ACTR3: variants seen among roughly 807,000 people sequenced by gnomAD.
The protein encoded by ACTR3 is actin-related protein 3.
In ACTR3, 12 loss-of-function variants were observed where a neutral mutation model predicts 56.8. That is an observed-to-expected ratio of 0.21 (90% CI 0.14 to 0.34). The LOEUF (loss-of-function observed/expected upper bound fraction) is 0.34. Among genes scored for constraint, ACTR3 ranks in the 10% least tolerant of loss-of-function variants. The pLI is 1.00. For synonymous variants in ACTR3, 162 were observed against 167.4 expected, an observed-to-expected ratio of 0.97 and a Z score of 0.25; for missense variants, 282 against 512.5, an observed-to-expected ratio of 0.55 and a Z score of 4.34.
At chr2:113,934,802 T>G (rs1679794011) in intron 6 of ACTR3, among the ~76,000 whole-genome samples, 1 of 152,176 alleles carries the variant, frequency 6.6e-6, no homozygotes, top group African/African-American at 2.4e-5. Flanking sequence ...ATAAAGCATA[T>G]TAAGAAAAAT....
At chr2:113,891,401 G>T (rs1020818852) in intron 1 of ACTR3, among the ~76,000 whole-genome samples, 3 of 152,072 alleles carry the variant, frequency 2.0e-5, no homozygotes, top group African/African-American at 7.2e-5. Context: ...AAGTGTGGTC[G>T]TTCATTTTGT....
rs1680336556 is a variant in ACTR3 at position 113,962,158 on chromosome 2, T to A, written c.*4703T>A. 1 of 152,048 alleles carries A rather than the reference T, an allele frequency of 6.6e-6. No individual in the cohort carries two copies. Among genetic ancestry groups the A allele is most frequent in the African/African-American group, 2.4e-5 (1 of 41,440 alleles). The allele number at this position is 152,048 out of a possible 1,614,324, so 9.4% of individuals were successfully genotyped here. ...TGACCGAATTACGACTTTTTTTCTG[T>A]TCCACTAGTTTCTACCTTAGAAGTG... is the stretch of plus-strand genomic sequence containing the variant. On this transcript the variant is annotated 3_prime_UTR_variant, in exon 12 of 12. Transcript: ENST00000263238.
intron 6 of ACTR3, among the ~76,000 whole-genome samples, chr2:113,939,415 T>C (rs1679886140): frequency 6.6e-6 from 1 of 152,226 alleles, no homozygotes; most frequent in Admixed American, 6.5e-5. Context: ...GATGAAGGCA[T>C]CCTTAATATT....
Position 113,961,309 on chromosome 2 carries a change from A to T in ACTR3, c.*3854A>T, listed in dbSNP as rs1280411605. 6.6e-6 allele frequency: 1 copy of T among 151,978 alleles called. No homozygotes were observed. The highest frequency in any genetic ancestry group is 2.4e-5 in the African/African-American group (1 of 41,420). The allele number at this position is 151,978 out of a possible 1,614,324, so 9.4% of individuals were successfully genotyped here. A position where few individuals can be genotyped will look rare whatever the true frequency, so the allele number is the denominator to read the frequency against. On this transcript the variant is annotated 3_prime_UTR_variant, in exon 12 of 12. Transcript: ENST00000263238. ...ATTTGGAGCTTGGGTGCTGAAATTA[A>T]ATATAACCTATTTGAGTTAAGGATT...
chr2:113,909,455 T>C (rs1259054686), intron 1 of ACTR3, among the ~76,000 whole-genome samples: 1 of 152,188 alleles, frequency 6.6e-6, no homozygotes, highest in Non-Finnish European at 1.5e-5. Context: ...ACTTCAAATA[T>C]TACTGTAATA....
chr2:113,935,844 G>T (rs1679815022), intron 6 of ACTR3, among the ~76,000 whole-genome samples: 1 of 152,156 alleles, frequency 6.6e-6, no homozygotes, highest in African/African-American at 2.4e-5. Context: ...AATAGGTAGT[G>T]AGGCTAGGAT....
chr2:113,944,129 G>A (rs1395744825), intron 8 of ACTR3, among the ~76,000 whole-genome samples: 3 of 152,154 alleles, frequency 2.0e-5, no homozygotes, highest in Non-Finnish European at 1.5e-5. Context: ...GAGTTTTTCA[G>A]CATCTAGGTT....
chr2:113,903,479 C>T (rs2104585071), intron 1 of ACTR3, among the ~76,000 whole-genome samples: 1 of 152,082 alleles, frequency 6.6e-6, no homozygotes, highest in Admixed American at 6.5e-5. Flanking sequence ...AATTCTTGTG[C>T]CTCAGCTTCC....
chr2:113,891,830 G>A (rs1288955090), intron 1 of ACTR3, among the ~76,000 whole-genome samples: 1 of 151,774 alleles, frequency 6.6e-6, no homozygotes, highest in Non-Finnish European at 1.5e-5. Flanking sequence ...GTATTTTTTT[G>A]ATGAACACTT....
At position 113,912,797 on chromosome 2, in the gene ACTR3, A is replaced by G. The variant is rs1352309742; in HGVS notation, c.45-375A>G. ...ACTATACTAAGAGCTTCCTCATTCT[A>G]TTTTTTGTAGCTGCATAATATTCCA... On this transcript the variant is annotated intron_variant, in intron 1 of 11. Coordinates refer to ENST00000263238, the MANE Select transcript of ACTR3 (RefSeq NM_005721.5). 3.3e-5 allele frequency among the ~76,000 whole-genome samples: 5 copies of G among 152,154 alleles called. No homozygotes were observed. In the South Asian group the frequency reaches 8.3e-4, roughly 25 times the overall value.
At chr2:113,897,749 ACTC>A (rs1679036516) in intron 1 of ACTR3, among the ~76,000 whole-genome samples, 1 of 150,764 alleles carries the variant, frequency 6.6e-6, no homozygotes, top group Non-Finnish European at 1.5e-5. Flanking sequence ...CTGATATTGA[ACTC>A]CTGAACTCAA....
At chr2:113,938,970 A>T (rs1679876346) in intron 6 of ACTR3, among the ~76,000 whole-genome samples, 1 of 151,898 alleles carries the variant, frequency 6.6e-6, no homozygotes, top group Non-Finnish European at 1.5e-5. Flanking sequence ...CCCTTTTCTT[A>T]GAAAGTATCT....
intron 8 of ACTR3, among the ~76,000 whole-genome samples, chr2:113,945,808 C>T (rs1281971713): frequency 1.3e-5 from 2 of 152,118 alleles, no homozygotes; most frequent in Non-Finnish European, 2.9e-5. Flanking sequence ...CTCCACCCTC[C>T]GATAGGCCCC....
chr2:113,939,433 A>G (rs1679886395), intron 6 of ACTR3, among the ~76,000 whole-genome samples: 1 of 152,158 alleles, frequency 6.6e-6, no homozygotes, highest in African/African-American at 2.4e-5. Context: ...ATTCTTTCCT[A>G]ATGAAATTTA....
chr2:113,948,541 A>G lies in ACTR3; in HGVS notation c.859-2938A>G, dbSNP rs964988009. On this transcript the variant is annotated intron_variant, in intron 8 of 11. Coordinates refer to ENST00000263238, the MANE Select transcript of ACTR3 (RefSeq NM_005721.5). ...CTGTCATCACAGACAGGACCTTTCT[A>G]TTCCCTTTTCATCTCATTTGTTACA... 3.9e-5 allele frequency among the ~76,000 whole-genome samples: 6 copies of G among 151,996 alleles called. 2 individuals carry two copies. Among genetic ancestry groups the G allele is most frequent in the Admixed American group, 3.9e-4 (6 of 15,280 alleles).
intron 1 of ACTR3, among the ~76,000 whole-genome samples, chr2:113,901,056 A>C (rs1679089982): frequency 6.6e-6 from 1 of 152,256 alleles, no homozygotes; most frequent in Admixed American, 6.5e-5. Flanking sequence ...ACGGTGGCTC[A>C]TGCCTGTAAT....
chr2:113,907,418 A>G (rs933024752), intron 1 of ACTR3, among the ~76,000 whole-genome samples: 14 of 152,138 alleles, frequency 9.2e-5, no homozygotes, highest in African/African-American at 1.4e-4. Flanking sequence ...TGTCCAGCTG[A>G]TTTTTAAATT....
rs998407193 is a variant in ACTR3, at chr2:113,959,352, A to G, written c.*1897A>G. 3 of 152,030 alleles carry G rather than the reference A, an allele frequency of 2.0e-5. No individual in the cohort carries two copies. Among genetic ancestry groups the G allele is most frequent in the African/African-American group, 7.2e-5 (3 of 41,452 alleles). The allele number at this position is 152,030 out of a possible 1,614,324, so 9.4% of individuals were successfully genotyped here. A position where few individuals can be genotyped will look rare whatever the true frequency, so the allele number is the denominator to read the frequency against. On this transcript the variant is annotated 3_prime_UTR_variant, in exon 12 of 12. Transcript: ENST00000263238. ...TATATTGATAAGCAGTAAAGATGTC[A>G]TGCTCCTGGCCCAATAAAATATTGT...
intron 1 of ACTR3, among the ~76,000 whole-genome samples, chr2:113,897,521 T>A (rs1377014332): frequency 8.5e-5 from 1 of 11,706 alleles, no homozygotes; most frequent in Admixed American, 6.5e-4. Context: ...AGATGTTATT[T>A]TTTTTTTTTT....
Sources: gnomAD v4.1 joint callset for allele counts (sites outside exome capture counted in the v4.1 genomes callset) on GRCh38, gnomAD v4.1.1 for gene constraint, MANE v1.5 for transcripts, NCBI Gene and HGNC (gene_info 2026-07-23, HGNC 2026-07-21) for gene names.